Variants in DST observed in about 807,000 individuals in gnomAD.
The protein encoded by DST is bullous pemphigoid antigen.
A neutral mutation model predicts 875.2 loss-of-function variants in DST; 253 were observed. The observed-to-expected ratio is 0.29, with a 90% CI of 0.26 to 0.32. The LOEUF is 0.32. DST is among the 10% of genes least tolerant of loss of function. The pLI is 1.00. For synonymous variants in DST, 3,124 were observed against 3,197.1 expected, an observed-to-expected ratio of 0.98 and a Z score of 0.77; for missense variants, 8,287 against 9,111.6, an observed-to-expected ratio of 0.91 and a Z score of 3.68.
chr6:56,487,033 C>T (rs183249901), intron 87 of DST, 71 bp downstream of exon 87: 19 of 1,476,464 alleles, frequency 1.3e-5, no homozygotes, highest in Middle Eastern at 1.8e-4. Context: ...GAAATGTCCC[C>T]GCAAAGCACC....
At position 56,624,578 on chromosome 6, in the gene DST, T is replaced by G. The variant is rs775223944; in HGVS notation, c.4881A>C (p.Gln1627His). 5.0e-6 allele frequency: 8 copies of G among 1,613,386 alleles called. No homozygotes were observed. The highest frequency in any genetic ancestry group is 6.8e-6 in the Non-Finnish European group (8 of 1,179,740). Reference protein sequence around the residue: ...RYTALVTLMTQYIKFAGDSLK... With the variant: ...RYTALVTLMTHYIKFAGDSLK... ...ATGAATCACCAGCAAATTTAATATA[T>G]TGTGTCATGAGAGTGACCAGGGCAG... is the stretch of plus-strand genomic sequence containing the variant. The change falls in exon 36 of 104, where the codon CAA becomes CAC. Residue 1627 changes from glutamine to histidine, a missense_variant. This residue lies in a region of DST where 3,138 missense variants were observed against 3,116.6 expected (regional missense o/e 1.01). Coordinates refer to ENST00000680361, the MANE Select transcript of DST (RefSeq NM_001374736.1).
intron 36 of DST, chr6:56,619,884 C>T (rs752178126): frequency 2.5e-6 from 4 of 1,614,098 alleles, no homozygotes; most frequent in African/African-American, 1.3e-5. Context: ...TATGTCAGCT[C>T]TCTCATGTCT....
At chr6:56,691,882 G>A (rs1247600235) in intron 9 of DST, among the ~76,000 whole-genome samples, 1 of 152,148 alleles carries the variant, frequency 6.6e-6, no homozygotes, top group African/African-American at 2.4e-5. Flanking sequence ...CAGCAATTAT[G>A]TGAATGTTTC....
At chr6:56,924,018 G>C (rs1035134595) in intron 2 of DST, among the ~76,000 whole-genome samples, 1 of 152,130 alleles carries the variant, frequency 6.6e-6, no homozygotes, top group African/African-American at 2.4e-5. Flanking sequence ...CAGCTACTTA[G>C]GAGGCTGAGG....
intron 82 of DST, among the ~76,000 whole-genome samples, chr6:56,495,306 C>T (rs2095867682): frequency 6.6e-6 from 1 of 151,794 alleles, no homozygotes; most frequent in Non-Finnish European, 1.5e-5. Context: ...CTTTAGAATG[C>T]TTTAAATCAC....
rs62412533 is a variant in DST, at chr6:56,701,008, C to T, written c.954+880G>A. On this transcript the variant is annotated intron_variant, in intron 8 of 103. Transcript: ENST00000680361. Reference sequence around the variant, plus strand: ...TTTTTTTTTTTTTTTGAGACAGGGTCTCATTCTGTTACCCCGGCTGGAGTG... The same window carrying T: ...TTTTTTTTTTTTTTTGAGACAGGGTTTCATTCTGTTACCCCGGCTGGAGTG... 4.7e-3 allele frequency among the ~76,000 whole-genome samples: 621 copies of T among 131,358 alleles called. 6 individuals carry two copies. The highest frequency in any genetic ancestry group is 9.7e-3 in the Middle Eastern group (2 of 206). The allele number at this position is 131,358 out of a possible 152,430, so 86.2% of individuals were successfully genotyped here.
intron 4 of DST, among the ~76,000 whole-genome samples, chr6:56,845,312 A>G (rs1392306057): frequency 6.6e-6 from 1 of 152,114 alleles, no homozygotes; most frequent in Non-Finnish European, 1.5e-5. Context: ...TGAACTATGG[A>G]CCATTTTCCA....
chr6:56,669,305 A>AAACAAAAAAAAAAAAAAAAAAAT (rs2099087498), intron 10 of DST, among the ~76,000 whole-genome samples: 1 of 151,540 alleles, frequency 6.6e-6, no homozygotes, highest in African/African-American at 2.4e-5. Context: ...AAAAAAAAAA[A>AAACAAAAAAAAAAAAAAAAAAAT]ACTGAGGTAA....
chr6:56,768,100 T>C (rs377032094), intron 4 of DST, among the ~76,000 whole-genome samples: 5 of 152,264 alleles, frequency 3.3e-5, no homozygotes, highest in African/African-American at 1.2e-4. Context: ...TGGAGGGAGC[T>C]GAGGCAAAAG....
At chr6:56,667,417 A>T (rs1285008490) in intron 10 of DST, among the ~76,000 whole-genome samples, 2 of 152,210 alleles carry the variant, frequency 1.3e-5, no homozygotes, top group Non-Finnish European at 2.9e-5. Flanking sequence ...TCAAGTAAAG[A>T]AAGGCTCAAT....
chr6:56,666,293 T>C (rs1382266625), intron 10 of DST, among the ~76,000 whole-genome samples: 3 of 152,156 alleles, frequency 2.0e-5, no homozygotes, highest in African/African-American at 4.8e-5. Flanking sequence ...AACAGTATAA[T>C]TTATATTAAT....
intron 4 of DST, among the ~76,000 whole-genome samples, chr6:56,788,567 T>C (rs1034657277): frequency 1.3e-5 from 2 of 152,182 alleles, no homozygotes; most frequent in Admixed American, 1.3e-4. Context: ...ATTGTGTAAG[T>C]AATAAAAATA....
intron 50 of DST, among the ~76,000 whole-genome samples, chr6:56,576,647 T>C (rs908701050): frequency 6.6e-6 from 1 of 152,094 alleles, no homozygotes; most frequent in African/African-American, 2.4e-5. Flanking sequence ...TGAGAGTGAG[T>C]AGCAAAAAGA....
chr6:56,612,564 ATT>A (rs1284372802), intron 37 of DST, among the ~76,000 whole-genome samples: 1 of 152,222 alleles, frequency 6.6e-6, no homozygotes, highest in Non-Finnish European at 1.5e-5. Context: ...ATTAATTGCC[ATT>A]CTTTTAAATT....
At chr6:56,758,953 C>T (rs13217390) in intron 4 of DST, among the ~76,000 whole-genome samples, 17,758 of 152,146 alleles carry the variant, frequency 0.12, 1,420 homozygotes, top group Middle Eastern at 0.19. Context: ...AGAAGTTGCA[C>T]ACATGTTTTA....
chr6:56,876,405 C>T (rs6925518), intron 3 of DST, among the ~76,000 whole-genome samples: 37,699 of 152,046 alleles, frequency 0.25, 6,267 homozygotes, highest in African/African-American at 0.47. Context: ...AGACCTCTCA[C>T]TGTAATCCAA....
In DST at chr6:56,511,463, C is replaced by T. The variant is rs538572177; in HGVS notation, c.18577-63G>A. On this transcript the variant is annotated intron_variant, in intron 72 of 103. Coordinates refer to ENST00000680361, the MANE Select transcript of DST (RefSeq NM_001374736.1). ...CACACCTCCATATTACAGCTGTCTA[C>T]ACCTGCAATGCATCCAGCTGGCAAG... 577 of 1,375,976 alleles carry T rather than the reference C, an allele frequency of 4.2e-4. 10 individuals carry two copies. The South Asian group carries it at 6.3e-3, about 15-fold the overall frequency. The allele number at this position is 1,375,976 out of a possible 1,614,324, so 85.2% of individuals were successfully genotyped here.
chr6:56,467,050 T>C (rs1162375204), intron 98 of DST: 2 of 152,174 alleles, frequency 1.3e-5, no homozygotes, highest in Non-Finnish European at 2.9e-5. Context: ...CAGGTTTATG[T>C]TTTGAAAGCC....
rs2097402575 is a variant in DST at position 56,555,721 on chromosome 6, T to C, written c.14760A>G (p.Gln4920=). The C allele has an allele frequency of 2.5e-6, 4 of 1,609,824 alleles. No homozygotes were observed. Among genetic ancestry groups the C allele is most frequent in the Non-Finnish European group, 2.6e-6 (3 of 1,176,316 alleles). The change falls in exon 60 of 104, where the codon CAA becomes CAG. Residue 4920 remains glutamine, a synonymous_variant. Coordinates refer to ENST00000680361, the MANE Select transcript of DST (RefSeq NM_001374736.1). ...CCCATTTTTGGGTCACAGCTGCCAGTTGCTCTTTCACAATCCCACGTAAAG... is the reference window on the plus strand; with the variant it reads ...CCCATTTTTGGGTCACAGCTGCCAGCTGCTCTTTCACAATCCCACGTAAAG... The part of the protein sequence containing the change: ...DPSLRGIVKE[Q]LAAVTQKWDS...
Sources: allele counts gnomAD v4.1 joint callset (sites outside exome capture counted in the v4.1 genomes callset), GRCh38; gene constraint gnomAD v4.1.1; regional missense constraint gnomAD v4.1.1; transcripts MANE v1.5; gene names NCBI Gene and HGNC (gene_info 2026-07-23, HGNC 2026-07-21).